Variants in DMD observed in about 807,000 individuals in gnomAD.
The protein encoded by DMD is dystrophin.
DMD carries 63 observed loss-of-function variants against 330.1 expected under a neutral mutation model. The ratio of observed to expected loss-of-function variants is 0.19; its 90% CI spans 0.16 to 0.24. The LOEUF is 0.24. Ranked by LOEUF, DMD falls within the 10% of genes least tolerant of loss-of-function variation. The probability of loss-of-function intolerance (pLI) is 1.00; values close to 1 mark genes in which losing one functional copy is unlikely to be tolerated. For missense variants in DMD, 3,344 were observed against 2,684.1 expected (o/e 1.25, Z -5.43); for synonymous variants, 1,223 against 959.8 (o/e 1.27, Z -5.07).
chrX:31,199,641 C>A (rs766848062), intron 67 of DMD, among the ~76,000 whole-genome samples: 5 of 112,101 alleles, frequency 4.5e-5, no homozygotes, highest in Non-Finnish European at 9.4e-5. Flanking sequence ...TCTCTTCTTG[C>A]CACTACTGGG....
At chrX:31,265,806 A>G (rs5972357) in intron 62 of DMD, among the ~76,000 whole-genome samples, 3,651 of 87,629 alleles carry the variant, frequency 0.042, 524 homozygotes, top group African/African-American at 0.17. Context: ...GGTGGGTGAC[A>G]AGGAGAGATG....
At chrX:31,795,701 A>T (rs1484624236) in intron 50 of DMD, among the ~76,000 whole-genome samples, 1 of 112,305 alleles carries the variant, frequency 8.9e-6, no homozygotes, top group Non-Finnish European at 1.9e-5. Context: ...CCAGGGTAAC[A>T]TAAATATGCC....
chrX:32,499,281 T>A (rs2043805374), intron 19 of DMD, among the ~76,000 whole-genome samples: 1 of 112,045 alleles, frequency 8.9e-6, no homozygotes, highest in Non-Finnish European at 1.9e-5. Flanking sequence ...TTCACAGAAT[T>A]TTTTAAAATC....
chrX:32,880,117 T>TC (rs1368111437), intron 2 of DMD, among the ~76,000 whole-genome samples: 6 of 111,363 alleles, frequency 5.4e-5, no homozygotes, highest in African/African-American at 2.0e-4. Context: ...AGTCCACCTT[T>TC]CCCGCATCCT....
At chrX:32,565,079 C>G (rs2051530309) in intron 16 of DMD, among the ~76,000 whole-genome samples, 1 of 111,312 alleles carries the variant, frequency 9.0e-6, no homozygotes, top group South Asian at 3.7e-4. Context: ...GTGACTAAAT[C>G]TTTAAAAATT....
At position 31,803,519 on chromosome X, in the gene DMD, T is replaced by C. The variant is rs1019658046; in HGVS notation, c.7309+16456A>G. Among the ~76,000 whole-genome samples the C allele has an allele frequency of 5.4e-5, 6 of 111,767 alleles. No individual in the cohort carries two copies. The East Asian group carries it at 1.7e-3, about 32-fold the overall frequency. On this transcript the variant is annotated intron_variant, in intron 50 of 78. Transcript: ENST00000357033. ...CAAGAAATAGAATACTGCTAATACC[T>C]TGACCCCACCCTTGTGTTCCCCACA...
At chrX:32,517,825 G>A (rs1286750956) in intron 18 of DMD, 183 bp downstream of exon 18, 2 of 512,783 alleles carry the variant, frequency 3.9e-6, no homozygotes, top group Non-Finnish European at 6.5e-6. Context: ...GAAGAATCCA[G>A]AAAGATTTCT....
chrX:32,736,216 A>T (rs1294782277), intron 7 of DMD, among the ~76,000 whole-genome samples: 2 of 111,963 alleles, frequency 1.8e-5, no homozygotes, highest in Non-Finnish European at 1.9e-5. Context: ...CCACAATGAG[A>T]TACCATCTCA....
intron 54 of DMD, among the ~76,000 whole-genome samples, chrX:31,633,913 A>G (rs2079263739): frequency 8.9e-6 from 1 of 112,435 alleles, no homozygotes; most frequent in African/African-American, 3.2e-5. Context: ...ATACAAGTTA[A>G]GTGGCAGAGC....
At chrX:31,889,028 T>A (rs1394099558) in intron 47 of DMD, among the ~76,000 whole-genome samples, 2 of 112,340 alleles carry the variant, frequency 1.8e-5, no homozygotes, top group African/African-American at 6.5e-5. Context: ...TGTATGTTAG[T>A]TTTATTGCAT....
chrX:32,730,519 G>A (rs766707924), intron 7 of DMD, among the ~76,000 whole-genome samples: 1 of 112,055 alleles, frequency 8.9e-6, no homozygotes, highest in Non-Finnish European at 1.9e-5. Flanking sequence ...GGACAGAAGA[G>A]TGTCTTCCTA....
At chrX:32,765,997 ATTGT>A (rs2072936482) in intron 7 of DMD, among the ~76,000 whole-genome samples, 1 of 111,888 alleles carries the variant, frequency 8.9e-6, no homozygotes, top group East Asian at 2.8e-4. Context: ...CTTATGGAAA[ATTGT>A]TTGACAATAT....
chrX:32,077,191 TA>T (rs2096359116), intron 44 of DMD, among the ~76,000 whole-genome samples: 1 of 110,851 alleles, frequency 9.0e-6, no homozygotes, highest in Non-Finnish European at 1.9e-5. Flanking sequence ...GCCTCTGAGG[TA>T]TCATCAAGGT....
At chrX:32,116,378 CA>C (rs2096611013) in intron 44 of DMD, among the ~76,000 whole-genome samples, 4 of 112,201 alleles carry the variant, frequency 3.6e-5, no homozygotes, top group Non-Finnish European at 7.5e-5. Context: ...TATGTGTATG[CA>C]TATAATAAAT....
chrX:32,088,337 G>A (rs904021649), intron 44 of DMD, among the ~76,000 whole-genome samples: 3 of 109,869 alleles, frequency 2.7e-5, no homozygotes, highest in Non-Finnish European at 5.7e-5. Context: ...CCACTTGTTC[G>A]AGGTCATTTG....
intron 37 of DMD, among the ~76,000 whole-genome samples, chrX:32,358,521 G>C (rs2097816129): frequency 9.0e-6 from 1 of 111,598 alleles, no homozygotes; most frequent in Non-Finnish European, 1.9e-5. Flanking sequence ...ATTTCACATA[G>C]ATTACGAAAA....
At chrX:32,274,848 C>T (rs771725561) in intron 43 of DMD, among the ~76,000 whole-genome samples, 6 of 111,898 alleles carry the variant, frequency 5.4e-5, no homozygotes, top group Admixed American at 9.5e-5. Context: ...TGTAAGGAGA[C>T]GCTTTGATAG....
intron 62 of DMD, among the ~76,000 whole-genome samples, chrX:31,306,477 T>C (rs1723851184): frequency 8.9e-6 from 1 of 112,135 alleles, no homozygotes; most frequent in African/African-American, 3.2e-5. Context: ...CTGTGTTTTA[T>C]ATCCCAAATT....
chrX:32,811,554 A>G (rs1055502223), intron 6 of DMD, among the ~76,000 whole-genome samples: 4 of 112,056 alleles, frequency 3.6e-5, no homozygotes, highest in Non-Finnish European at 7.5e-5. Flanking sequence ...AGCCTGACAC[A>G]AAATAAAGGC....
Sources: gnomAD v4.1 joint callset for allele counts (sites outside exome capture counted in the v4.1 genomes callset) on GRCh38, gnomAD v4.1.1 for gene constraint, MANE v1.5 for transcripts, NCBI Gene and HGNC (gene_info 2026-07-23, HGNC 2026-07-21) for gene names.